Variants in ANPEP observed in about 807,000 individuals in gnomAD.
ANPEP encodes alanyl aminopeptidase, membrane.
A neutral mutation model predicts 114.6 loss-of-function variants in ANPEP; 70 were observed. That is an observed-to-expected ratio of 0.61 (90% CI 0.50 to 0.75). ANPEP has a LOEUF of 0.75. Among genes scored for constraint, ANPEP ranks in the 30% least tolerant of loss-of-function variants. The pLI is 0.00. For missense variants in ANPEP, 1,184 were observed against 1,259.5 expected (o/e 0.94, Z 0.91); for synonymous variants, 548 against 522.3 (o/e 1.05, Z -0.67).
chr15:89,792,967 T>C, intron 16 of ANPEP, 68 bp downstream of exon 16: 1 of 1,346,366 alleles, frequency 7.4e-7, no homozygotes, highest in African/African-American at 1.4e-5. Context: ...CAGAGAACAC[T>C]GCCAGGATGT....
chr15:89,806,262 T>C lies in ANPEP; in HGVS notation c.322A>G (p.Thr108Ala). ...GCCTCCTTGCAGGTGAAACGGACGG[T>C]GCTGGAGCCCTTAAAAACGTACAGG... ...RGLYVFKGSS[T>A]VRFTCKEATD... The change falls in exon 2 of 21, where the codon ACC (threonine) becomes GCC (alanine). Residue 108 changes from threonine (T) to alanine (A), a missense_variant. Transcript: ENST00000300060. The surrounding 1 kb of genome is among the most constrained non-coding windows in gnomAD (Gnocchi z 5.7). 1 of 1,614,116 alleles carries C rather than the reference T, an allele frequency of 6.2e-7. No individual in the cohort carries two copies. The highest frequency in any genetic ancestry group is 1.1e-5 in the South Asian group (1 of 91,078).
chr15:89,801,656 C>T (rs759630280), intron 10 of ANPEP, 49 bp from the exon 11 acceptor site: 22 of 1,590,824 alleles, frequency 1.4e-5, no homozygotes, highest in Non-Finnish European at 1.9e-5. Flanking sequence ...CCTCCAGTCC[C>T]TGCCATCCAG....
Position 89,803,410 on chromosome 15 carries a change from C to A in ANPEP, c.1503+32G>T, listed in dbSNP as rs746142536. On this transcript the variant is annotated intron_variant, in intron 9 of 20. Transcript: ENST00000300060. This position sits in a 1 kb window ranked among gnomAD's most constrained non-coding sequence, Gnocchi z 4.2. ...AGGGCGAGGGGCAGAAGGAGACCCA[C>A]CCTCATGGCTGGCCCAGGGTGCAGT... The A allele has an allele frequency of 3.1e-6, 5 of 1,611,480 alleles. No homozygotes were observed. In the South Asian group the frequency reaches 5.5e-5, roughly 18 times the overall value.
At chr15:89,805,583 C>T in intron 2 of ANPEP, 120 bp from the exon 3 acceptor site, 1 of 1,373,460 alleles carries the variant, frequency 7.3e-7, no homozygotes, top group African/African-American at 1.5e-5. Flanking sequence ...CTAACCCCTG[C>T]TCCTGCTCCC....
At chr15:89,810,940 T>G (rs1894805377) in intron 1 of ANPEP, among the ~76,000 whole-genome samples, 1 of 152,252 alleles carries the variant, frequency 6.6e-6, no homozygotes, top group Non-Finnish European at 1.5e-5. Flanking sequence ...GCTTCCTGCC[T>G]TTGCTTCATC....
At chr15:89,809,399 T>A (rs1487220645) in intron 1 of ANPEP, among the ~76,000 whole-genome samples, 1 of 152,224 alleles carries the variant, frequency 6.6e-6, no homozygotes, top group Non-Finnish European at 1.5e-5. Flanking sequence ...CTGTTTGCTT[T>A]GGATTCAGAC....
rs780595381 is a variant in ANPEP, at chr15:89,792,271, TC to T, written c.2416del (p.Glu806ArgfsTer36). On this transcript the variant is annotated frameshift_variant, in exon 18 of 21. Transcript: ENST00000300060. LOFTEE classifies it high-confidence loss of function. ...CTCCCAGGCGAAGTCCCACTCCTCC[TC>T]CCCGCCCTGGGCGATAGCGTTGCAG... ...VYCNAIAQGGEEEWDFAWEQF... is the reference protein window; with the variant it reads ...VYCNAIAQGGXEEWDFAWEQF... The T allele has an allele frequency of 6.2e-7, 1 of 1,614,184 alleles. No individual in the cohort carries two copies. The highest frequency in any genetic ancestry group is 1.3e-5 in the African/African-American group (1 of 75,052).
At chr15:89,787,447 A>C (rs888082927) in intron 20 of ANPEP, among the ~76,000 whole-genome samples, 6 of 152,224 alleles carry the variant, frequency 3.9e-5, no homozygotes, top group African/African-American at 1.4e-4. Context: ...GGGTTAGACA[A>C]TACTTTCTTA....
intron 14 of ANPEP, among the ~76,000 whole-genome samples, chr15:89,798,882 T>A (rs1894527562): frequency 6.6e-6 from 1 of 152,208 alleles, no homozygotes; most frequent in African/African-American, 2.4e-5. Context: ...GAGGCTGCAG[T>A]GAGCTGAGAT....
At chr15:89,813,990 C>CCG (rs1567164958) in intron 1 of ANPEP, among the ~76,000 whole-genome samples, 25 of 93,860 alleles carry the variant, frequency 2.7e-4, no homozygotes, top group African/African-American at 7.2e-4. Flanking sequence ...CACCGCACTG[C>CCG]TGGGGGGGGG....
At chr15:89,796,415 G>A (rs1490546355) in intron 15 of ANPEP, among the ~76,000 whole-genome samples, 1 of 152,198 alleles carries the variant, frequency 6.6e-6, no homozygotes, top group Non-Finnish European at 1.5e-5. Flanking sequence ...GGGGAAAGCA[G>A]TAAGAGGGTT....
In ANPEP at chr15:89,791,731, G is replaced by A. The variant is rs1596161320; in HGVS notation, c.2528+429C>T. ...GTCTTCCAAAGTGCTGGGATTACAG[G>A]TATGAGCCACCACACCCTGCCCAAG... On this transcript the variant is annotated intron_variant, in intron 18 of 20. Coordinates refer to ENST00000300060, the MANE Select transcript of ANPEP (RefSeq NM_001150.3). Among the ~76,000 whole-genome samples the A allele has an allele frequency of 2.0e-5, 3 of 152,034 alleles. No homozygotes were observed. The East Asian group carries it at 5.8e-4, about 29-fold the overall frequency.
intron 4 of ANPEP, 142 bp from the exon 5 acceptor site, chr15:89,804,759 T>A (rs1894674970): frequency 5.7e-6 from 7 of 1,226,558 alleles, no homozygotes; most frequent in Admixed American, 2.4e-5. Flanking sequence ...AGAGGCCTGG[T>A]CAGCAGAGGG....
chr15:89,800,311 C>G (rs904610864), intron 12 of ANPEP, among the ~76,000 whole-genome samples: 5 of 152,150 alleles, frequency 3.3e-5, no homozygotes, highest in African/African-American at 4.8e-5. Context: ...CCTGACCTCT[C>G]CATGAACTTG....
At chr15:89,805,239 G>A (rs2141810357) in intron 3 of ANPEP, 22 bp from the exon 4 acceptor site, 2 of 1,614,186 alleles carry the variant, frequency 1.2e-6, no homozygotes, top group East Asian at 4.5e-5. Context: ...GCATGTGTGT[G>A]TGAGGACGTA....
At chr15:89,797,871 G>A in intron 14 of ANPEP, 149 bp from the exon 15 acceptor site, 1 of 1,093,388 alleles carries the variant, frequency 9.1e-7, no homozygotes, top group African/African-American at 1.6e-5. Flanking sequence ...TCCCAACTGA[G>A]CCAGCTCAGG....
Position 89,803,623 on chromosome 15 carries a change from T to G in ANPEP, c.1437+24A>C, listed in dbSNP as rs1479632907. On this transcript the variant is annotated intron_variant, in intron 8 of 20. Coordinates refer to ENST00000300060, the MANE Select transcript of ANPEP (RefSeq NM_001150.3). The surrounding 1 kb of genome is among the most constrained non-coding windows in gnomAD (Gnocchi z 4.2). ...GGCCAAGTCCCCACCTCCTTCCCCG[T>G]GCCCCACGAGGAGCGGGCTGCACCT... 8 of 1,605,764 alleles carry G rather than the reference T, an allele frequency of 5.0e-6. No individual in the cohort carries two copies. Among genetic ancestry groups the G allele is most frequent in the African/African-American group, 1.3e-5 (1 of 74,922 alleles).
chr15:89,803,503 G>A lies in ANPEP; in HGVS notation c.1442C>T (p.Ala481Val). 1 of 1,607,234 alleles carries A rather than the reference G, an allele frequency of 6.2e-7. No individual in the cohort carries two copies. Among genetic ancestry groups the A allele is most frequent in the South Asian group, 1.1e-5 (1 of 90,560 alleles). The change falls in exon 9 of 21, where the codon GCC becomes GTC. Residue 481 changes from alanine (A) to valine (V), a missense_variant. Ala to Val is a moderately conservative substitution (Grantham distance 64). Coordinates refer to ENST00000300060, the MANE Select transcript of ANPEP (RefSeq NM_001150.3). The surrounding 1 kb of genome is among the most constrained non-coding windows in gnomAD (Gnocchi z 4.2). ...LFDAISYSKG[A>V]SVLRMLSSFL... The stretch of plus-strand genomic sequence containing the variant: ...GCTGGAGAGCATCCTGAGGACTGAG[G>A]CGCCCTGGGGTGGGGGTGAGGGGGC...
intron 1 of ANPEP, among the ~76,000 whole-genome samples, chr15:89,814,261 G>C (rs987630063): frequency 2.0e-5 from 3 of 152,072 alleles, no homozygotes; most frequent in African/African-American, 7.2e-5. Flanking sequence ...TTCACTGAGA[G>C]CTGCGGCGGA....
Sources: allele counts gnomAD v4.1 joint callset (sites outside exome capture counted in the v4.1 genomes callset), GRCh38; gene constraint gnomAD v4.1.1; non-coding constraint Gnocchi (gnomAD v3.1); transcripts MANE v1.5; gene names NCBI Gene and HGNC (gene_info 2026-07-23, HGNC 2026-07-21).